The following SLC38A6 variants were observed in gnomAD, a reference collection of about 807,000 sequenced individuals.
The protein encoded by SLC38A6 is N system amino acid transporter NAT-1.
SLC38A6 carries 73 observed loss-of-function variants against 65.0 expected under a neutral mutation model. That is an observed-to-expected ratio of 1.12 (90% confidence interval 0.93 to 1.37). The LOEUF (loss-of-function observed/expected upper bound fraction) is 1.37. SLC38A6 is among the 40% of genes most tolerant of loss of function. The pLI is 0.00. For synonymous variants in SLC38A6, 183 were observed against 178.8 expected, an observed-to-expected ratio of 1.02 and a Z score of -0.19; for missense variants, 561 against 531.1, an observed-to-expected ratio of 1.06 and a Z score of -0.55.
Position 61,050,538 on chromosome 14 carries a change from G to A in SLC38A6, c.952G>A (p.Gly318Ser), listed in dbSNP as rs74825213. 1.5e-3 allele frequency: 2,286 copies of A among 1,556,684 alleles called. 23 individuals are homozygous for A. The East Asian group carries it at 0.03, about 21-fold the overall frequency. Residue 318 changes from glycine to serine, a missense_variant, in exon 13 of 16, where the codon GGT (glycine) becomes AGT (serine). Transcript: ENST00000267488. ...CAAAGTGGAGTCAGAATTACTAAAA[G>A]GTTATAGTAAATACTTATCACATGA... ...YDKVESELLK[G>S]YSKYLSHDVV...
At chr14:61,014,897 A>C (rs927383411) in intron 3 of SLC38A6, among the ~76,000 whole-genome samples, 1 of 151,780 alleles carries the variant, frequency 6.6e-6, no homozygotes, top group South Asian at 2.1e-4. Flanking sequence ...GAGAACCACT[A>C]CTCTCATCAA....
intron 6 of SLC38A6, among the ~76,000 whole-genome samples, chr14:61,034,945 A>G (rs1386156869): frequency 6.6e-6 from 1 of 152,196 alleles, no homozygotes; most frequent in African/African-American, 2.4e-5. Flanking sequence ...TCAGCACCCA[A>G]CAGTAACAAT....
intron 3 of SLC38A6, chr14:60,986,992 G>T: frequency 5.3e-6 from 2 of 378,504 alleles, no homozygotes; most frequent in Non-Finnish European, 1.0e-5. Flanking sequence ...TGTAACTCTG[G>T]GGCGTATGAA....
chr14:60,998,676 A>G (rs745327021), intron 3 of SLC38A6, among the ~76,000 whole-genome samples: 22 of 152,234 alleles, frequency 1.4e-4, no homozygotes, highest in Non-Finnish European at 2.9e-4. Flanking sequence ...CTAAAAGAGC[A>G]CTGTAGCATG....
chr14:61,083,333 A>T (rs891600047), intron 16 of SLC38A6, among the ~76,000 whole-genome samples: 4 of 151,888 alleles, frequency 2.6e-5, no homozygotes, highest in African/African-American at 7.3e-5. Context: ...GGAAACCTCC[A>T]CCTCCTCTTG....
At chr14:61,037,801 G>C (rs2041507038) in intron 8 of SLC38A6, 118 bp downstream of exon 8, 4 of 614,352 alleles carry the variant, frequency 6.5e-6, no homozygotes, top group Non-Finnish European at 1.1e-5. Flanking sequence ...ATTTCACTGT[G>C]TTATTAAAAG....
intron 2 of SLC38A6, among the ~76,000 whole-genome samples, chr14:60,984,195 T>A (rs2037286416): frequency 6.6e-6 from 1 of 151,782 alleles, no homozygotes; most frequent in South Asian, 2.1e-4. Context: ...CTACATTATT[T>A]TAATTTAGTT....
chr14:61,014,819 T>A (rs556405835), intron 3 of SLC38A6, among the ~76,000 whole-genome samples: 16 of 152,302 alleles, frequency 1.1e-4, no homozygotes, highest in African/African-American at 3.8e-4. Context: ...CCAGTTAGGC[T>A]CCTCGGGGGT....
intron 3 of SLC38A6, among the ~76,000 whole-genome samples, chr14:61,003,552 A>C (rs138897477): frequency 1.4e-4 from 21 of 152,312 alleles, no homozygotes; most frequent in African/African-American, 4.3e-4. Context: ...ATTGCATTTC[A>C]ACAGTCAATA....
chr14:61,035,205 T>G (rs577314101), intron 6 of SLC38A6, among the ~76,000 whole-genome samples: 197 of 152,244 alleles, frequency 1.3e-3, no homozygotes, highest in African/African-American at 4.4e-3. Context: ...TACACTTAAG[T>G]GTAAATATCT....
In SLC38A6 at chr14:61,046,101, AC is replaced by A; in HGVS notation, c.860del (p.Thr287LysfsTer5). 6.2e-7 allele frequency: 1 copy of A among 1,611,680 alleles called. No homozygotes were observed. Among genetic ancestry groups the A allele is most frequent in the Non-Finnish European group, 8.5e-7 (1 of 1,178,350 alleles). The part of the protein sequence containing the change: ...SKKRMQNVTN[T>X]AIALSFLIYF... The stretch of plus-strand genomic sequence containing the variant: ...GAAAAGAATGCAGAATGTTACCAAT[AC>A]AGCAATTGCTTTAAGTTTTCTCATT... On this transcript the variant is annotated frameshift_variant, in exon 12 of 16. Transcript: ENST00000267488. LOFTEE classifies it high-confidence loss of function.
Position 60,990,022 on chromosome 14 carries a change from C to A in SLC38A6, c.310+5219C>A, listed in dbSNP as rs142647251. Among the ~76,000 whole-genome samples the A allele has an allele frequency of 6.1e-4, 90 of 148,506 alleles. No homozygotes were observed. The East Asian group carries it at 0.018, about 29-fold the overall frequency. ...TGGGACTATTCCTCTGATCTCTTTT[C>A]TTTTCCCTTCTTTTCTTTTTTTTTT... On this transcript the variant is annotated intron_variant, in intron 3 of 15. Coordinates refer to ENST00000267488, the MANE Select transcript of SLC38A6 (RefSeq NM_153811.3).
At chr14:61,034,423 T>C (rs2041210452) in intron 6 of SLC38A6, 1 of 152,102 alleles carries the variant, frequency 6.6e-6, no homozygotes, top group African/African-American at 2.4e-5. Flanking sequence ...GATTTTCAAG[T>C]GTATAATGCG....
intron 15 of SLC38A6, among the ~76,000 whole-genome samples, chr14:61,069,440 C>A (rs2043147801): frequency 6.6e-6 from 1 of 152,028 alleles, no homozygotes; most frequent in South Asian, 2.1e-4. Context: ...TATTTGAGCC[C>A]TTTCTTACGT....
chr14:61,055,106 C>CTT (rs1280245361), downstream of SLC38A6, among the ~76,000 whole-genome samples: 715 of 63,254 alleles, frequency 0.011, 65 homozygotes, highest in African/African-American at 0.014. Flanking sequence ...AAGTCTTTTT[C>CTT]TTTTTTTTTT....
intron 15 of SLC38A6, among the ~76,000 whole-genome samples, chr14:61,068,535 C>T (rs2139949346): frequency 6.6e-6 from 1 of 152,252 alleles, no homozygotes; most frequent in East Asian, 1.9e-4. Context: ...ACTGTTTTCC[C>T]TACTTAGAGC....
chr14:60,982,301 C>A (rs904267350), intron 1 of SLC38A6: 14 of 636,492 alleles, frequency 2.2e-5, no homozygotes, highest in Admixed American at 1.7e-4. Flanking sequence ...AAATCATTTT[C>A]CTAAGAAACC....
chr14:60,994,275 T>A (rs2038111093), intron 3 of SLC38A6, among the ~76,000 whole-genome samples: 1 of 152,120 alleles, frequency 6.6e-6, no homozygotes, highest in Admixed American at 6.5e-5. Flanking sequence ...TGCCGGAGCC[T>A]TGGCTCACGC....
intron 3 of SLC38A6, among the ~76,000 whole-genome samples, chr14:61,011,983 G>A (rs1234530517): frequency 6.6e-6 from 1 of 152,158 alleles, no homozygotes; most frequent in Admixed American, 6.5e-5. Context: ...TGTACCTCTG[G>A]TAAAATTCGG....
Sources: allele counts gnomAD v4.1 joint callset (sites outside exome capture counted in the v4.1 genomes callset), GRCh38; gene constraint gnomAD v4.1.1; transcripts MANE v1.5; gene names NCBI Gene and HGNC (gene_info 2026-07-23, HGNC 2026-07-21).